Variants in PCDH9 observed in about 807,000 individuals in gnomAD.
PCDH9 encodes the protein protocadherin 9.
Under a neutral mutation model 70.6 loss-of-function variants are expected in PCDH9, and 24 were observed. That is an observed-to-expected ratio of 0.34 (90% CI 0.25 to 0.48). PCDH9 has a LOEUF of 0.48. PCDH9 is among the 20% of genes least tolerant of loss of function. The pLI, the probability that PCDH9 is intolerant of heterozygous loss-of-function variation, is 0.99. For synonymous variants in PCDH9, 562 were observed against 558.5 expected (o/e 1.01, Z -0.09); for missense variants, 1,281 against 1,503.6 (o/e 0.85, Z 2.45).
chr13:67,071,687 C>T (rs1192253974), intron 2 of PCDH9, among the ~76,000 whole-genome samples: 8 of 151,870 alleles, frequency 5.3e-5, no homozygotes, highest in Middle Eastern at 3.4e-3. Flanking sequence ...GTCAGGAGTT[C>T]GAAATCACCA....
Position 67,190,758 on chromosome 13 carries a change from A to G in PCDH9, c.3036+34647T>C, listed in dbSNP as rs894716535. On this transcript the variant is annotated intron_variant, in intron 2 of 4. Transcript: ENST00000377865. ...AGCTTTTCTGTAATTTTTGAATAAT[A>G]TATTTTTAAAACATAGCAAAACCCT... 3.3e-5 allele frequency among the ~76,000 whole-genome samples: 5 copies of G among 152,214 alleles called. No individual in the cohort carries two copies. In the East Asian group the frequency reaches 9.6e-4, roughly 29 times the overall value.
intron 4 of PCDH9, among the ~76,000 whole-genome samples, chr13:66,537,278 T>A (rs116698062): frequency 1.8e-3 from 278 of 152,192 alleles, no homozygotes; most frequent in African/African-American, 6.3e-3. Flanking sequence ...GAACATTGGG[T>A]TACTCTTTCA....
At chr13:66,819,213 T>C (rs9540922) in intron 3 of PCDH9, among the ~76,000 whole-genome samples, 147,669 of 152,124 alleles carry the variant, frequency 0.97, 71,822 homozygotes, top group East Asian at 1. Context: ...CATTGGTTTG[T>C]CAAATTTAAT....
At chr13:66,989,776 A>T (rs770431724) in intron 2 of PCDH9, among the ~76,000 whole-genome samples, 1 of 151,794 alleles carries the variant, frequency 6.6e-6, no homozygotes, top group Non-Finnish European at 1.5e-5. Flanking sequence ...ACTTCCTCAG[A>T]CTCTCAGAGA....
At chr13:67,098,445 C>T (rs1439169210) in intron 2 of PCDH9, among the ~76,000 whole-genome samples, 1 of 152,110 alleles carries the variant, frequency 6.6e-6, no homozygotes, top group African/African-American at 2.4e-5. Flanking sequence ...ATGAAAGATG[C>T]TCTTTTTTCA....
intron 2 of PCDH9, among the ~76,000 whole-genome samples, chr13:67,063,452 G>T (rs1438992719): frequency 6.6e-6 from 1 of 151,660 alleles, no homozygotes; most frequent in Non-Finnish European, 1.5e-5. Flanking sequence ...AATAACTCTT[G>T]CAGGTAGATA....
intron 2 of PCDH9, among the ~76,000 whole-genome samples, chr13:66,982,340 T>TA (rs2083791167): frequency 6.6e-6 from 1 of 152,150 alleles, no homozygotes; most frequent in Non-Finnish European, 1.5e-5. Flanking sequence ...AATGGCCTGA[T>TA]ACAATAACCA....
At chr13:67,049,346 C>T (rs2085280824) in intron 2 of PCDH9, among the ~76,000 whole-genome samples, 1 of 152,162 alleles carries the variant, frequency 6.6e-6, no homozygotes, top group Admixed American at 6.6e-5. Flanking sequence ...AATATGTAAA[C>T]TGTGAAAAAT....
intron 2 of PCDH9, chr13:67,214,743 A>G (rs1178472255): frequency 1.3e-5 from 2 of 151,726 alleles, no homozygotes; most frequent in Non-Finnish European, 1.5e-5. Flanking sequence ...GTTTTAACAC[A>G]AAAGCAGATG....
At chr13:66,731,264 G>A (rs942156772) in intron 3 of PCDH9, among the ~76,000 whole-genome samples, 10 of 152,024 alleles carry the variant, frequency 6.6e-5, no homozygotes, top group African/African-American at 1.7e-4. Flanking sequence ...GGAAGCTTAC[G>A]GAATTTCTTC....
chr13:67,227,438 C>T lies in PCDH9; in HGVS notation c.1003G>A (p.Gly335Ser), dbSNP rs1479668047. ...GTTGCTCGAGCAGGAGTGGAGCTGC[C>T]GTCACTAGCCAGCACTGTCACTTTG... ...IHKVTVLASD[G>S]SSTPARATVT... Residue 335 changes from glycine (G) to serine (S), a missense_variant, in exon 2 of 5, where the codon GGC becomes AGC. Transcript: ENST00000377865. The surrounding 1 kb of genome is among the most constrained non-coding windows in gnomAD (Gnocchi z 4.6). 3.7e-6 allele frequency: 6 copies of T among 1,613,854 alleles called. No homozygotes were observed. Among genetic ancestry groups the T allele is most frequent in the South Asian group, 1.1e-5 (1 of 91,060 alleles).
intron 3 of PCDH9, among the ~76,000 whole-genome samples, chr13:66,696,488 T>C (rs560099976): frequency 6.6e-6 from 1 of 152,284 alleles, no homozygotes; most frequent in African/African-American, 2.4e-5. Context: ...CTCTAACCTT[T>C]CCATAAAGAA....
At chr13:67,074,861 T>A (rs2085846496) in intron 2 of PCDH9, among the ~76,000 whole-genome samples, 1 of 152,132 alleles carries the variant, frequency 6.6e-6, no homozygotes, top group Admixed American at 6.6e-5. Flanking sequence ...TTAATAGATT[T>A]ATTGTCCTCA....
At chr13:66,810,578 A>G (rs1158681491) in intron 3 of PCDH9, among the ~76,000 whole-genome samples, 3 of 152,140 alleles carry the variant, frequency 2.0e-5, no homozygotes, top group Non-Finnish European at 2.9e-5. Flanking sequence ...GCTACTTTAT[A>G]TATACAACAG....
chr13:66,318,915 T>C (rs1276978190), intron 4 of PCDH9, among the ~76,000 whole-genome samples: 1 of 152,192 alleles, frequency 6.6e-6, no homozygotes, highest in Non-Finnish European at 1.5e-5. Context: ...TTATTAATAT[T>C]ACAATGTCAT....
At chr13:66,321,458 G>A (rs1308345104) in intron 4 of PCDH9, among the ~76,000 whole-genome samples, 1 of 151,910 alleles carries the variant, frequency 6.6e-6, no homozygotes, top group Non-Finnish European at 1.5e-5. Context: ...GCCAACAGCA[G>A]ATTTGAACTG....
chr13:66,825,008 A>C (rs1183330706), intron 3 of PCDH9, among the ~76,000 whole-genome samples: 2 of 151,870 alleles, frequency 1.3e-5, no homozygotes, highest in Non-Finnish European at 2.9e-5. Flanking sequence ...ACTATGCAAG[A>C]ATAAAATATT....
chr13:66,920,178 C>T (rs546499006), intron 2 of PCDH9, among the ~76,000 whole-genome samples: 1 of 151,062 alleles, frequency 6.6e-6, no homozygotes, highest in Non-Finnish European at 1.5e-5. Flanking sequence ...CATTTTAAGA[C>T]ATGTACTTTT....
intron 2 of PCDH9, among the ~76,000 whole-genome samples, chr13:67,055,559 C>G (rs1362150064): frequency 6.6e-6 from 1 of 152,046 alleles, no homozygotes; most frequent in Non-Finnish European, 1.5e-5. Context: ...CGCCTGTAAT[C>G]CCTGCACTTT....
Sources: allele counts gnomAD v4.1 joint callset (sites outside exome capture counted in the v4.1 genomes callset), GRCh38; gene constraint gnomAD v4.1.1; non-coding constraint Gnocchi (gnomAD v3.1); transcripts MANE v1.5; gene names NCBI Gene and HGNC (gene_info 2026-07-23, HGNC 2026-07-21).